ATXN10: variants seen among roughly 807,000 people sequenced by gnomAD.
The protein encoded by ATXN10 is ataxin 10.
Under a neutral mutation model 52.9 loss-of-function variants are expected in ATXN10, and 28 were observed. That is an observed-to-expected ratio of 0.53 (90% CI 0.39 to 0.73). The LOEUF (loss-of-function observed/expected upper bound fraction) is 0.73, where lower values mean the gene tolerates loss of function less well. Among genes scored for constraint, ATXN10 ranks in the 30% least tolerant of loss-of-function variants. The pLI is 0.00. For missense variants in ATXN10, 565 were observed against 577.0 expected (o/e 0.98, Z 0.21); for synonymous variants, 226 against 221.5 (o/e 1.02, Z -0.18).
Position 45,820,685 on chromosome 22 carries a change from T to C in ATXN10, c.1237+13663T>C, listed in dbSNP as rs191420033. ...CCATTCTTTAGTCTTAAAATCTTCA[T>C]TGAGGTCAAGAGAAAAGATGTTGGA... On this transcript the variant is annotated intron_variant, in intron 10 of 11. Coordinates refer to ENST00000252934, the MANE Select transcript of ATXN10 (RefSeq NM_013236.4). This position sits in a 1 kb window ranked among gnomAD's most constrained non-coding sequence, Gnocchi z 4.9. 2.0e-5 allele frequency among the ~76,000 whole-genome samples: 3 copies of C among 152,330 alleles called. No individual in the cohort carries two copies. The highest frequency in any genetic ancestry group is 1.9e-4 in the East Asian group (1 of 5,182).
At chr22:45,685,067 T>A (rs937998579) in intron 1 of ATXN10, among the ~76,000 whole-genome samples, 1 of 150,660 alleles carries the variant, frequency 6.6e-6, no homozygotes, top group African/African-American at 2.5e-5. Flanking sequence ...AAGGTCTTAG[T>A]TGTAGCATTA....
In ATXN10 at chr22:45,689,755, C is replaced by T; in HGVS notation, c.160C>T (p.Leu54=). Residue 54 remains leucine (L), a synonymous_variant, in exon 2 of 12, where the codon CTA becomes TTA. Coordinates refer to ENST00000252934, the MANE Select transcript of ATXN10 (RefSeq NM_013236.4). Reference sequence around the variant, plus strand: ...TATCTTCCAAAGAGTTCTGGATATCCTAAAGAAATCTTCTCATGCTGTTGA... The same window carrying T: ...TATCTTCCAAAGAGTTCTGGATATCTTAAAGAAATCTTCTCATGCTGTTGA... The part of the protein sequence containing the change: ...RTIFQRVLDI[L]KKSSHAVELA... 12 of 1,614,106 alleles carry T rather than the reference C, an allele frequency of 7.4e-6. No individual in the cohort carries two copies. Among genetic ancestry groups the T allele is most frequent in the Non-Finnish European group, 1.0e-5 (12 of 1,179,998 alleles).
intron 9 of ATXN10, among the ~76,000 whole-genome samples, chr22:45,788,462 C>T (rs927833734): frequency 1.3e-5 from 2 of 151,224 alleles, no homozygotes; most frequent in African/African-American, 4.9e-5. Context: ...CTCGTATCCA[C>T]CTGCATCTTT....
rs1416363157 is a variant in ATXN10 at position 45,759,417 on chromosome 22, C to T, written c.1173+18879C>T. Among the ~76,000 whole-genome samples, 1 of 152,120 alleles carries T rather than the reference C, an allele frequency of 6.6e-6. No homozygotes were observed. The highest frequency in any genetic ancestry group is 6.5e-5 in the Admixed American group (1 of 15,274). ...ATCCCAGCTACTCGGGAGGCTGAGG[C>T]GGGAGAATCACCTGAACTCGGGAGG... On this transcript the variant is annotated intron_variant, in intron 9 of 11. Coordinates refer to ENST00000252934, the MANE Select transcript of ATXN10 (RefSeq NM_013236.4). This position sits in a 1 kb window ranked among gnomAD's most constrained non-coding sequence, Gnocchi z 5.4.
At chr22:45,726,638 A>G (rs1311973805) in intron 6 of ATXN10, among the ~76,000 whole-genome samples, 1 of 151,936 alleles carries the variant, frequency 6.6e-6, no homozygotes, top group African/African-American at 2.4e-5. Flanking sequence ...TTTCGATTTC[A>G]TTTAGTTCTG....
intron 2 of ATXN10, among the ~76,000 whole-genome samples, chr22:45,692,532 G>A (rs2091073506): frequency 6.6e-6 from 1 of 152,134 alleles, no homozygotes; most frequent in African/African-American, 2.4e-5. Flanking sequence ...AGACTTTGTG[G>A]CCAAGCTTAA....
At chr22:45,804,114 A>G (rs1315428332) in intron 9 of ATXN10, among the ~76,000 whole-genome samples, 6 of 152,224 alleles carry the variant, frequency 3.9e-5, no homozygotes, top group South Asian at 4.1e-4. Flanking sequence ...CAGACACCGC[A>G]TGGCTGTCAT....
At position 45,820,492 on chromosome 22, in the gene ATXN10, G is replaced by T. The variant is rs76716287; in HGVS notation, c.1237+13470G>T. On this transcript the variant is annotated intron_variant, in intron 10 of 11. Transcript: ENST00000252934. The surrounding 1 kb of genome is among the most constrained non-coding windows in gnomAD (Gnocchi z 4.9). ...TCAGAGGTCTGCTTTTCTGCCTGGA[G>T]TTGACTGCTTCTTATGGAGTGAGAT... 2.5e-3 allele frequency among the ~76,000 whole-genome samples: 384 copies of T among 152,326 alleles called. 1 individual carries two copies. The highest frequency in any genetic ancestry group is 4.2e-3 in the Non-Finnish European group (283 of 68,028).
chr22:45,815,426 C>T (rs1423210216), intron 10 of ATXN10, among the ~76,000 whole-genome samples: 1 of 152,136 alleles, frequency 6.6e-6, no homozygotes, highest in Admixed American at 6.5e-5. Flanking sequence ...AAGAACTTAC[C>T]TAAGATGAGC....
Position 45,783,187 on chromosome 22 carries a change from C to T in ATXN10, c.1174-23772C>T, listed in dbSNP as rs1269812419. ...AAGTAAGATAAGGGTTCCATGAACACGAGCACTGTGATACCATGGCAGAAT... is the reference window on the plus strand; with the variant it reads ...AAGTAAGATAAGGGTTCCATGAACATGAGCACTGTGATACCATGGCAGAAT... On this transcript the variant is annotated intron_variant, in intron 9 of 11. Coordinates refer to ENST00000252934, the MANE Select transcript of ATXN10 (RefSeq NM_013236.4). This position sits in a 1 kb window ranked among gnomAD's most constrained non-coding sequence, Gnocchi z 5.0. 6.6e-6 allele frequency among the ~76,000 whole-genome samples: 1 copy of T among 152,078 alleles called. No homozygotes were observed. Among genetic ancestry groups the T allele is most frequent in the East Asian group, 1.9e-4 (1 of 5,196 alleles).
At chr22:45,699,490 C>CTTTTTTTTTTTTTTTTTTTTTTTTT (rs917191404) in intron 3 of ATXN10, among the ~76,000 whole-genome samples, 1 of 117,286 alleles carries the variant, frequency 8.5e-6, no homozygotes, top group Non-Finnish European at 1.8e-5. Flanking sequence ...TTTTTCTTTC[C>CTTTTTTTTTTTTTTTTTTTTTTTTT]TTTTTTTTTT....
At position 45,762,184 on chromosome 22, in the gene ATXN10, C is replaced by T. The variant is rs545380065; in HGVS notation, c.1173+21646C>T. 2.0e-5 allele frequency among the ~76,000 whole-genome samples: 3 copies of T among 152,248 alleles called. No homozygotes were observed. In the East Asian group the frequency reaches 5.8e-4, roughly 29 times the overall value. ...GTAGAAAGGAAGTCAGTCTCTGTCC[C>T]CTGTGCGTTTCCGAGACTGTGTTTC... is the stretch of plus-strand genomic sequence containing the variant. On this transcript the variant is annotated intron_variant, in intron 9 of 11. Coordinates refer to ENST00000252934, the MANE Select transcript of ATXN10 (RefSeq NM_013236.4). This position sits in a 1 kb window ranked among gnomAD's most constrained non-coding sequence, Gnocchi z 4.3.
In ATXN10 at chr22:45,793,696, G is replaced by A. The variant is rs747651508; in HGVS notation, c.1174-13263G>A. The stretch of plus-strand genomic sequence containing the variant: ...CTCAAGAGAAGTCACCAATCACACA[G>A]CTCCATGCTGAGGCCCTCTTGCCTG... On this transcript the variant is annotated intron_variant, in intron 9 of 11. Coordinates refer to ENST00000252934, the MANE Select transcript of ATXN10 (RefSeq NM_013236.4). 14 of 1,477,976 alleles carry A rather than the reference G, an allele frequency of 9.5e-6. No homozygotes were observed. The East Asian group carries it at 3.4e-4, about 36-fold the overall frequency. The allele number at this position is 1,477,976 out of a possible 1,614,324, so 91.6% of individuals were successfully genotyped here.
rs1373308606 is a variant in ATXN10 at position 45,712,515 on chromosome 22, T to C, written c.648-5898T>C. Among the ~76,000 whole-genome samples, 1 of 152,106 alleles carries C rather than the reference T, an allele frequency of 6.6e-6. No homozygotes were observed. The highest frequency in any genetic ancestry group is 1.5e-5 in the Non-Finnish European group (1 of 68,006). Reference sequence around the variant, plus strand: ...TAGCCAGTGTCACACTGCCAGTGAGTGTTGGGCTGAGACTCAAACCCAGCT... The same window carrying C: ...TAGCCAGTGTCACACTGCCAGTGAGCGTTGGGCTGAGACTCAAACCCAGCT... On this transcript the variant is annotated intron_variant, in intron 5 of 11. Transcript: ENST00000252934. The surrounding 1 kb of genome is among the most constrained non-coding windows in gnomAD (Gnocchi z 4.6).
chr22:45,746,749 C>G (rs1023965879), intron 9 of ATXN10, among the ~76,000 whole-genome samples: 1 of 152,162 alleles, frequency 6.6e-6, no homozygotes, highest in Non-Finnish European at 1.5e-5. Flanking sequence ...GAAACACTTT[C>G]TCTTCTACGC....
In ATXN10 at chr22:45,835,448, T is replaced by A. The variant is rs1422427580; in HGVS notation, c.1238-7543T>A. On this transcript the variant is annotated intron_variant, in intron 10 of 11. Coordinates refer to ENST00000252934, the MANE Select transcript of ATXN10 (RefSeq NM_013236.4). This position sits in a 1 kb window ranked among gnomAD's most constrained non-coding sequence, Gnocchi z 5.0. ...GGCTTCAGAGAGGAGGCCTGTGAAG[T>A]CAGGAACATCTCCCCTCTCCCTTTG... 2.6e-5 allele frequency among the ~76,000 whole-genome samples: 4 copies of A among 152,152 alleles called. No individual in the cohort carries two copies. The highest frequency in any genetic ancestry group is 9.7e-5 in the African/African-American group (4 of 41,446).
intron 1 of ATXN10, among the ~76,000 whole-genome samples, chr22:45,682,823 A>G (rs531430587): frequency 2.0e-5 from 3 of 152,308 alleles, no homozygotes; most frequent in South Asian, 4.1e-4. Context: ...AGAATCCATC[A>G]TCAAGTCCTA....
chr22:45,807,674 G>A (rs890449127), intron 10 of ATXN10, among the ~76,000 whole-genome samples: 1 of 152,168 alleles, frequency 6.6e-6, no homozygotes, highest in African/African-American at 2.4e-5. Context: ...ACTGTACAGT[G>A]GTGACTAACC....
intron 9 of ATXN10, among the ~76,000 whole-genome samples, chr22:45,771,865 C>T (rs1391010646): frequency 1.3e-5 from 2 of 152,216 alleles, no homozygotes; most frequent in Admixed American, 6.5e-5. Flanking sequence ...CTCAAGCCAT[C>T]CTCCTGCTTT....
Sources: allele counts gnomAD v4.1 joint callset (sites outside exome capture counted in the v4.1 genomes callset), GRCh38; gene constraint gnomAD v4.1.1; non-coding constraint Gnocchi (gnomAD v3.1); transcripts MANE v1.5; gene names NCBI Gene and HGNC (gene_info 2026-07-23, HGNC 2026-07-21).